Variants in B4GALT4 observed in about 807,000 individuals in gnomAD.
B4GALT4 encodes N-acetyllactosamine synthase.
B4GALT4 carries 27 observed loss-of-function variants against 37.3 expected under a neutral mutation model. The ratio of observed to expected loss-of-function variants is 0.72; its 90% CI spans 0.53 to 1.00. B4GALT4 has a LOEUF of 1.00. Ranked by LOEUF, B4GALT4 falls within the 50% of genes least tolerant of loss-of-function variation. B4GALT4 has a pLI of 0.00. For synonymous variants in B4GALT4, 148 were observed against 154.1 expected, an observed-to-expected ratio of 0.96 and a Z score of 0.29; for missense variants, 372 against 413.1, an observed-to-expected ratio of 0.90 and a Z score of 0.86.
At chr3:119,235,402 A>C (rs2078955853) in intron 2 of B4GALT4, among the ~76,000 whole-genome samples, 1 of 152,216 alleles carries the variant, frequency 6.6e-6, no homozygotes, top group African/African-American at 2.4e-5. Flanking sequence ...AGCTATGAGC[A>C]CCAAAATCAG....
intron 1 of B4GALT4, among the ~76,000 whole-genome samples, chr3:119,237,668 CT>C (rs1341861364): frequency 6.6e-6 from 1 of 152,134 alleles, no homozygotes; most frequent in African/African-American, 2.4e-5. Flanking sequence ...AGTTTTCCCT[CT>C]GGTAAGGAAA....
intron 6 of B4GALT4, among the ~76,000 whole-genome samples, chr3:119,217,510 C>T (rs889623225): frequency 2.0e-5 from 3 of 152,160 alleles, no homozygotes. Context: ...AAATTTCTGA[C>T]AGTCACGTAA....
In B4GALT4 at chr3:119,212,126, A is replaced by G; in HGVS notation, c.*423T>C. ...CAGGATAAATGAATAACAGTATTGT[A>G]TCTTCGTACCTTTCTACCTTGGACG... On this transcript the variant is annotated 3_prime_UTR_variant, in exon 8 of 8. Transcript: ENST00000393765. 1.4e-6 allele frequency: 1 copy of G among 703,018 alleles called. No homozygotes were observed. Among genetic ancestry groups the G allele is most frequent in the Non-Finnish European group, 2.6e-6 (1 of 384,992 alleles). 43.5% of individuals were successfully genotyped at this position (703,018 alleles called of 1,614,324 possible). A position where few individuals can be genotyped will look rare whatever the true frequency, so the allele number is the denominator to read the frequency against.
intron 7 of B4GALT4, chr3:119,213,718 T>C (rs1248558427): frequency 1.3e-5 from 2 of 152,196 alleles, no homozygotes; most frequent in African/African-American, 4.8e-5. Context: ...GTAGGAGATA[T>C]CAGCAGTGTT....
rs1436426102 is a variant in B4GALT4, at chr3:119,212,573, T to A, written c.1011A>T (p.Thr337=). ...GTCATGCACCAAACCAGAAATCCAC[T>A]GTGATGTTGATATATAAAGGATTGT... is the stretch of plus-strand genomic sequence containing the variant. ...VEHNPLYINI[T]VDFWFGA is the part of the protein sequence containing the mutation. Residue 337 remains threonine, a synonymous_variant, in exon 8 of 8, where the codon ACA becomes ACT. Transcript: ENST00000393765. 7 of 1,605,378 alleles carry A rather than the reference T, an allele frequency of 4.4e-6. No individual in the cohort carries two copies. The highest frequency in any genetic ancestry group is 5.9e-6 in the Non-Finnish European group (7 of 1,177,488).
intron 1 of B4GALT4, among the ~76,000 whole-genome samples, chr3:119,237,687 A>G (rs1277497777): frequency 6.6e-6 from 1 of 152,252 alleles, no homozygotes; most frequent in Admixed American, 6.5e-5. Flanking sequence ...AAAAGCAGTA[A>G]GAAGATATGT....
At chr3:119,216,737 CT>C (rs564169875) in intron 6 of B4GALT4, among the ~76,000 whole-genome samples, 247 of 152,300 alleles carry the variant, frequency 1.6e-3, no homozygotes, top group African/African-American at 5.7e-3. Flanking sequence ...GAGTTGCCTT[CT>C]TTTAACAAAG....
intron 5 of B4GALT4, among the ~76,000 whole-genome samples, chr3:119,222,811 C>T (rs188304126): frequency 5.3e-5 from 8 of 152,214 alleles, no homozygotes; most frequent in Admixed American, 3.3e-4. Flanking sequence ...AAACCCTTCC[C>T]TTCAAGGTGT....
chr3:119,235,396 A>G (rs1484555808), intron 2 of B4GALT4, among the ~76,000 whole-genome samples: 2 of 152,202 alleles, frequency 1.3e-5, no homozygotes, highest in Admixed American at 1.3e-4. Flanking sequence ...TTCGGCAGCT[A>G]TGAGCACCAA....
chr3:119,218,853 C>T, intron 5 of B4GALT4, 81 bp from the exon 6 acceptor site: 2 of 1,537,970 alleles, frequency 1.3e-6, no homozygotes, highest in Non-Finnish European at 1.8e-6. Context: ...TCTAGGAACA[C>T]CTGGGAGACC....
At chr3:119,224,300 T>TTTGC in intron 4 of B4GALT4, 55 bp from the exon 5 acceptor site, 5 of 1,417,950 alleles carry the variant, frequency 3.5e-6, no homozygotes, top group Non-Finnish European at 4.8e-6. Flanking sequence ...TTTCATATTG[T>TTTGC]TTGCCTCTTA....
chr3:119,237,349 T>C (rs569650948), intron 1 of B4GALT4, among the ~76,000 whole-genome samples: 4 of 152,382 alleles, frequency 2.6e-5, no homozygotes, highest in Admixed American at 2.0e-4. Context: ...GTTCAAATTC[T>C]GGTTATCAGA....
At chr3:119,221,553 A>G (rs3936077) in intron 5 of B4GALT4, among the ~76,000 whole-genome samples, 41,328 of 152,148 alleles carry the variant, frequency 0.27, 5,830 homozygotes, top group East Asian at 0.35. Flanking sequence ...TCCAGGAGGA[A>G]GGCAACTCCT....
chr3:119,224,288 A>C, intron 4 of B4GALT4, 43 bp from the exon 5 acceptor site: 1 of 1,490,420 alleles, frequency 6.7e-7, no homozygotes, highest in Non-Finnish European at 9.1e-7. Context: ...CCTGAGATAA[A>C]GTTTCATATT....
chr3:119,218,193 C>T (rs149632085), intron 6 of B4GALT4, among the ~76,000 whole-genome samples: 4 of 152,292 alleles, frequency 2.6e-5, no homozygotes, highest in East Asian at 1.9e-4. Flanking sequence ...GGCTGCCTAA[C>T]GCTTGAGGAG....
Position 119,218,743 on chromosome 3 carries a change from A to G in B4GALT4, c.704T>C (p.Val235Ala). 1 of 1,614,070 alleles carries G rather than the reference A, an allele frequency of 6.2e-7. No homozygotes were observed. Among genetic ancestry groups the G allele is most frequent in the Non-Finnish European group, 8.5e-7 (1 of 1,179,934 alleles). ...RLRYSGYFGG[V>A]TALSREQFFK... ...AAACTGCTCTCTGCTTAGGGCAGTAACACCCCCAAAATATCCACTGTAACG... is the reference window on the plus strand; with the variant it reads ...AAACTGCTCTCTGCTTAGGGCAGTAGCACCCCCAAAATATCCACTGTAACG... The change falls in exon 6 of 8, where the codon GTT becomes GCT. Residue 235 changes from valine (V) to alanine (A), a missense_variant. By Grantham distance (64) the Val-to-Ala change is moderately conservative. Transcript: ENST00000393765.
In B4GALT4 at chr3:119,212,066, T is replaced by C; in HGVS notation, c.*483A>G. 1 of 687,856 alleles carries C rather than the reference T, an allele frequency of 1.5e-6. No homozygotes were observed. The allele number at this position is 687,856 out of a possible 1,614,324, so 42.6% of individuals were successfully genotyped here. On this transcript the variant is annotated 3_prime_UTR_variant, in exon 8 of 8. Coordinates refer to ENST00000393765, the MANE Select transcript of B4GALT4 (RefSeq NM_003778.4). ...TTTCTCCCCTCTTTTGTGGACGCCT[T>C]CTCACCTGACACCACCACTTCACAG... is the stretch of plus-strand genomic sequence containing the variant.
At chr3:119,222,620 A>T (rs1280399888) in intron 5 of B4GALT4, among the ~76,000 whole-genome samples, 7 of 152,166 alleles carry the variant, frequency 4.6e-5, no homozygotes. Flanking sequence ...GGCCTGCGTA[A>T]TCTGGCTCCT....
chr3:119,218,910 C>T (rs1011771434), intron 5 of B4GALT4, 138 bp from the exon 6 acceptor site: 27 of 964,378 alleles, frequency 2.8e-5, no homozygotes, highest in Non-Finnish European at 3.9e-5. Flanking sequence ...TGACACCCAC[C>T]TCCCAATGCT....
Sources: gnomAD v4.1 joint callset for allele counts (sites outside exome capture counted in the v4.1 genomes callset) on GRCh38, gnomAD v4.1.1 for gene constraint, MANE v1.5 for transcripts, NCBI Gene and HGNC (gene_info 2026-07-23, HGNC 2026-07-21) for gene names.